The following PLXDC1 variants were observed in gnomAD, a reference collection of about 807,000 sequenced individuals.
The protein encoded by PLXDC1 is plexin domain containing 1, also known as plexin domain-containing protein 1.
A neutral mutation model predicts 61.3 loss-of-function variants in PLXDC1; 39 were observed. The observed-to-expected ratio is 0.64, with a 90% CI of 0.49 to 0.83. The LOEUF (loss-of-function observed/expected upper bound fraction) is 0.83. Ranked by LOEUF, PLXDC1 falls within the 40% of genes least tolerant of loss-of-function variation. PLXDC1 has a pLI of 0.00. For missense variants in PLXDC1, 596 were observed against 666.5 expected (o/e 0.89, Z 1.17); for synonymous variants, 212 against 254.5 (o/e 0.83, Z 1.59).
At chr17:39,103,205 A>C (rs1250753307) in intron 7 of PLXDC1, among the ~76,000 whole-genome samples, 3 of 140,632 alleles carry the variant, frequency 2.1e-5, no homozygotes, top group African/African-American at 5.2e-5. Flanking sequence ...ACACAGCGAG[A>C]CTCCGTCTCA....
In PLXDC1 at chr17:39,065,736, C is replaced by G. The variant is rs1199810581; in HGVS notation, c.*2104G>C. ...AGTTTAGAGCAGGTTAACTTGGTAG[C>G]TATGGAGTATGACCAGATGGAGACA... On this transcript the variant is annotated 3_prime_UTR_variant, in exon 14 of 14. Transcript: ENST00000315392. 1 of 152,266 alleles carries G rather than the reference C, an allele frequency of 6.6e-6. No homozygotes were observed. The highest frequency in any genetic ancestry group is 1.9e-4 in the East Asian group (1 of 5,198). 9.4% of individuals were successfully genotyped at this position (152,266 alleles called of 1,614,324 possible).
At chr17:39,112,507 G>A (rs1910845226) in intron 2 of PLXDC1, among the ~76,000 whole-genome samples, 1 of 141,394 alleles carries the variant, frequency 7.1e-6, no homozygotes, top group South Asian at 2.2e-4. Context: ...GCCCAGGCTG[G>A]AGTGCAGTGG....
At chr17:39,120,758 ATT>A (rs57148436) in intron 2 of PLXDC1, among the ~76,000 whole-genome samples, 23,403 of 123,816 alleles carry the variant, frequency 0.19, 1,914 homozygotes, top group Middle Eastern at 0.3. Flanking sequence ...CACCCAGCTA[ATT>A]TTTTTTTTTT....
At chr17:39,135,626 G>A (rs1055660391) in intron 2 of PLXDC1, among the ~76,000 whole-genome samples, 6 of 148,560 alleles carry the variant, frequency 4.0e-5, no homozygotes, top group Admixed American at 1.4e-4. Context: ...TCAGTAAACC[G>A]AGAGATTACA....
intron 7 of PLXDC1, among the ~76,000 whole-genome samples, chr17:39,105,032 C>T (rs1910546432): frequency 6.6e-6 from 1 of 152,204 alleles, no homozygotes; most frequent in African/African-American, 2.4e-5. Flanking sequence ...TCCTTCCGTC[C>T]AGCCTGGCAT....
intron 2 of PLXDC1, among the ~76,000 whole-genome samples, chr17:39,115,531 G>A (rs2143740433): frequency 6.6e-6 from 1 of 152,338 alleles, no homozygotes; most frequent in South Asian, 2.1e-4. Flanking sequence ...GTGAAGCCAG[G>A]AGCCATATCT....
chr17:39,083,314 T>C, intron 9 of PLXDC1, 145 bp downstream of exon 9: 1 of 695,176 alleles, frequency 1.4e-6, no homozygotes, highest in Non-Finnish European at 2.6e-6. Context: ...CAGGCCATGT[T>C]CTTGTCCCAA....
chr17:39,129,779 A>AG (rs1911500512), intron 2 of PLXDC1, among the ~76,000 whole-genome samples: 3 of 141,898 alleles, frequency 2.1e-5, no homozygotes, highest in African/African-American at 5.4e-5. Context: ...GAGAAAGAAA[A>AG]AGAAAGAAAG....
At chr17:39,100,790 G>T (rs1258154143) in intron 7 of PLXDC1, among the ~76,000 whole-genome samples, 1 of 152,264 alleles carries the variant, frequency 6.6e-6, no homozygotes, top group Non-Finnish European at 1.5e-5. Flanking sequence ...AGCAGATGCT[G>T]CCTGCAGCCA....
intron 13 of PLXDC1, among the ~76,000 whole-genome samples, chr17:39,069,236 G>T (rs1769950605): frequency 6.6e-6 from 1 of 152,150 alleles, no homozygotes; most frequent in Non-Finnish European, 1.5e-5. Flanking sequence ...TTCCCAAGCG[G>T]CTGGGACCAC....
intron 2 of PLXDC1, among the ~76,000 whole-genome samples, chr17:39,131,439 C>T (rs894485112): frequency 1.3e-5 from 2 of 151,990 alleles, no homozygotes; most frequent in Admixed American, 6.6e-5. Flanking sequence ...CTGCAACCTC[C>T]ACCTCCAGGT....
At chr17:39,136,903 C>T (rs1361364790) in intron 2 of PLXDC1, among the ~76,000 whole-genome samples, 118 of 152,150 alleles carry the variant, frequency 7.8e-4, no homozygotes, top group Non-Finnish European at 2.5e-4. Flanking sequence ...AGACGCACAG[C>T]AGAAGAGAGA....
chr17:39,086,878 A>AAAAAAAAAAAAG (rs1298383783), intron 8 of PLXDC1, among the ~76,000 whole-genome samples: 1 of 150,746 alleles, frequency 6.6e-6, no homozygotes, highest in Non-Finnish European at 1.5e-5. Context: ...AAAAAAAAAA[A>AAAAAAAAAAAAG]AAGAAGAAGA....
At chr17:39,108,291 G>A (rs753425548) in intron 4 of PLXDC1, 46 bp from the exon 5 acceptor site, 12 of 1,606,592 alleles carry the variant, frequency 7.5e-6, no homozygotes, top group South Asian at 2.2e-5. Flanking sequence ...TGGCCCAGAG[G>A]GGCCGCTTTG....
intron 7 of PLXDC1, among the ~76,000 whole-genome samples, chr17:39,091,728 T>C (rs11655928): frequency 0.5 from 76,013 of 151,846 alleles, 19,289 homozygotes; most frequent in East Asian, 0.64. Context: ...GAGGCCGAGG[T>C]AGGTGGATCA....
chr17:39,121,093 G>A (rs763913681), intron 2 of PLXDC1, among the ~76,000 whole-genome samples: 1 of 150,638 alleles, frequency 6.6e-6, no homozygotes, highest in Non-Finnish European at 1.5e-5. Context: ...CTCTCACCTC[G>A]GCCTCCCAAA....
At chr17:39,109,004 C>A (rs749505374) in intron 3 of PLXDC1, 31 bp from the exon 4 acceptor site, 5 of 1,560,920 alleles carry the variant, frequency 3.2e-6, no homozygotes, top group Non-Finnish European at 4.4e-6. Context: ...TCAGCACGGG[C>A]CAAGCTGCAG....
intron 9 of PLXDC1, among the ~76,000 whole-genome samples, chr17:39,082,479 C>T (rs981021318): frequency 1.3e-5 from 2 of 151,304 alleles, no homozygotes; most frequent in African/African-American, 2.4e-5. Context: ...GCAGGAGAAT[C>T]GCTTGAACTC....
At chr17:39,152,158 C>A (rs553837364), upstream of PLXDC1, among the ~76,000 whole-genome samples, 1 of 149,754 alleles carries the variant, frequency 6.7e-6, no homozygotes, top group African/African-American at 2.5e-5. Context: ...TCCCACCCCC[C>A]TTCCATGACT....
Sources: gnomAD v4.1 joint callset for allele counts (sites outside exome capture counted in the v4.1 genomes callset) on GRCh38, gnomAD v4.1.1 for gene constraint, MANE v1.5 for transcripts, NCBI Gene and HGNC (gene_info 2026-07-23, HGNC 2026-07-21) for gene names.